SLC24A2: variants seen among roughly 807,000 people sequenced by gnomAD.
SLC24A2 encodes solute carrier family 24 member 2, also known as sodium/potassium/calcium exchanger 2.
A neutral mutation model predicts 62.0 loss-of-function variants in SLC24A2; 36 were observed. That is an observed-to-expected ratio of 0.58 (90% CI 0.44 to 0.77). The LOEUF is 0.77. Among genes scored for constraint, SLC24A2 ranks in the 30% least tolerant of loss-of-function variants. The pLI is 0.00. For synonymous variants in SLC24A2, 358 were observed against 294.0 expected (o/e 1.22, Z -2.23); for missense variants, 846 against 817.9 (o/e 1.03, Z -0.42).
At chr9:20,121,262 C>G in the SLC24A2 span, among the ~76,000 whole-genome samples, 12 of 151,692 alleles carry the variant, frequency 7.9e-5, no homozygotes, top group Non-Finnish European at 1.8e-4. Context: ...CTTTGTATAG[C>G]TGTCATTTAC....
chr9:20,009,411 C>T, the SLC24A2 span, among the ~76,000 whole-genome samples: 10 of 147,168 alleles, frequency 6.8e-5, no homozygotes, highest in East Asian at 1.6e-3. Flanking sequence ...AAAAAGCGGG[C>T]GGGTGATAGA....
chr9:20,193,550 C>T, the SLC24A2 span, among the ~76,000 whole-genome samples: 2 of 151,740 alleles, frequency 1.3e-5, no homozygotes, highest in South Asian at 4.2e-4. Context: ...ACTGACATCC[C>T]CTAATGAAAT....
chr9:19,684,464 T>C (rs528895200), intron 2 of SLC24A2, among the ~76,000 whole-genome samples: 1 of 152,142 alleles, frequency 6.6e-6, no homozygotes, highest in African/African-American at 2.4e-5. Context: ...TCCTGAAGCA[T>C]TCAGGACATG....
At chr9:19,757,719 T>C (rs909692792) in intron 2 of SLC24A2, among the ~76,000 whole-genome samples, 4 of 152,228 alleles carry the variant, frequency 2.6e-5, no homozygotes, top group Middle Eastern at 3.4e-3. Context: ...AAAATTCACG[T>C]TGAAATTTGA....
At chr9:19,920,546 G>A in the SLC24A2 span, among the ~76,000 whole-genome samples, 278 of 152,230 alleles carry the variant, frequency 1.8e-3, no homozygotes, top group African/African-American at 6.3e-3. Flanking sequence ...CATTGGGTAC[G>A]CTGAGGGCCA....
At chr9:20,016,696 T>C in the SLC24A2 span, among the ~76,000 whole-genome samples, 3 of 152,192 alleles carry the variant, frequency 2.0e-5, no homozygotes, top group African/African-American at 7.2e-5. Flanking sequence ...AACTGATTTG[T>C]TGACAGCAAG....
the SLC24A2 span, among the ~76,000 whole-genome samples, chr9:20,234,086 C>T: frequency 1.3e-5 from 2 of 152,144 alleles, no homozygotes; most frequent in Non-Finnish European, 2.9e-5. Context: ...GAGTTTCTGC[C>T]AAGAGATCAG....
chr9:20,001,534 T>TCACATGGGAATCAAAAATAGAAC, the SLC24A2 span, among the ~76,000 whole-genome samples: 9 of 152,236 alleles, frequency 5.9e-5, no homozygotes, highest in East Asian at 1.7e-3. Flanking sequence ...TTTGGGTAAA[T>TCACATGGGAATCAAAAATAGAAC]CACATGGGAA....
chr9:19,855,859 G>T, the SLC24A2 span, among the ~76,000 whole-genome samples: 4 of 152,150 alleles, frequency 2.6e-5, no homozygotes, highest in Non-Finnish European at 5.9e-5. Flanking sequence ...AAGTTCTCCT[G>T]GATAATATCT....
chr9:19,705,896 G>A (rs199666824), intron 2 of SLC24A2, among the ~76,000 whole-genome samples: 2 of 152,156 alleles, frequency 1.3e-5, no homozygotes, highest in Middle Eastern at 3.4e-3. Flanking sequence ...GTGCTGAAAA[G>A]AATGTATATT....
At chr9:19,654,269 A>T (rs1343274942) in intron 2 of SLC24A2, among the ~76,000 whole-genome samples, 1 of 152,116 alleles carries the variant, frequency 6.6e-6, no homozygotes, top group Non-Finnish European at 1.5e-5. Flanking sequence ...AATAAGCATG[A>T]GTTTGTACTC....
the SLC24A2 span, among the ~76,000 whole-genome samples, chr9:19,968,518 G>A: frequency 7.9e-5 from 12 of 152,268 alleles, no homozygotes; most frequent in African/African-American, 2.4e-4. Context: ...TCTAAGAAGT[G>A]GATAGACTTG....
intron 6 of SLC24A2, 142 bp from the exon 7 acceptor site, chr9:19,573,611 T>C (rs1835917068): frequency 3.9e-6 from 3 of 766,270 alleles, no homozygotes; most frequent in African/African-American, 3.4e-5. Context: ...TCCTAAAATG[T>C]TGGGCTAAAG....
chr9:19,662,616 C>T (rs1251888975), intron 2 of SLC24A2, among the ~76,000 whole-genome samples: 1 of 152,152 alleles, frequency 6.6e-6, no homozygotes, highest in African/African-American at 2.4e-5. Flanking sequence ...CCGCAGAGTA[C>T]ACTGAGATGC....
chr9:19,739,633 C>A (rs1258299676), intron 2 of SLC24A2, among the ~76,000 whole-genome samples: 1 of 152,124 alleles, frequency 6.6e-6, no homozygotes, highest in Non-Finnish European at 1.5e-5. Context: ...AAGAATTTCA[C>A]CCCTATCTTA....
At chr9:19,995,506 G>T in the SLC24A2 span, among the ~76,000 whole-genome samples, 1 of 152,126 alleles carries the variant, frequency 6.6e-6, no homozygotes, top group Admixed American at 6.5e-5. Flanking sequence ...GAGGACCAGG[G>T]TCTTTTTCAT....
chr9:19,600,392 T>C (rs1836811587), intron 4 of SLC24A2, among the ~76,000 whole-genome samples: 1 of 152,216 alleles, frequency 6.6e-6, no homozygotes, highest in South Asian at 2.1e-4. Context: ...GTTTTAAACT[T>C]TACTTTGGGG....
the SLC24A2 span, among the ~76,000 whole-genome samples, chr9:20,109,230 A>G: frequency 1.3e-5 from 2 of 152,186 alleles, no homozygotes; most frequent in African/African-American, 4.8e-5. Context: ...TCCTTAAGTG[A>G]TATATGACTA....
chr9:20,221,580 T>A, the SLC24A2 span, among the ~76,000 whole-genome samples: 5 of 151,806 alleles, frequency 3.3e-5, no homozygotes, highest in Admixed American at 3.3e-4. Flanking sequence ...GGTAGTTATC[T>A]AAAATTGAAA....
Sources: gnomAD v4.1 joint callset for allele counts (sites outside exome capture counted in the v4.1 genomes callset) on GRCh38, gnomAD v4.1.1 for gene constraint, MANE v1.5 for transcripts, NCBI Gene and HGNC (gene_info 2026-07-23, HGNC 2026-07-21) for gene names.